TMEM132C: variants seen among roughly 807,000 people sequenced by gnomAD.
TMEM132C encodes the protein protein phosphatase 1, regulatory subunit 152.
TMEM132C carries 29 observed loss-of-function variants against 61.4 expected under a neutral mutation model. That is an observed-to-expected ratio of 0.47 (90% CI 0.35 to 0.64). TMEM132C has a LOEUF of 0.64. Ranked by LOEUF, TMEM132C falls within the 30% of genes least tolerant of loss-of-function variation. The pLI, the probability that TMEM132C is intolerant of heterozygous loss-of-function variation, is 0.00. For synonymous variants in TMEM132C, 656 were observed against 633.1 expected (o/e 1.04, Z -0.54); for missense variants, 1,408 against 1,476.9 (o/e 0.95, Z 0.76).
chr12:128,388,795 T>G (rs774176964), intron 1 of TMEM132C, among the ~76,000 whole-genome samples: 3 of 152,258 alleles, frequency 2.0e-5, no homozygotes, highest in Non-Finnish European at 4.4e-5. Flanking sequence ...TGATTTTGTG[T>G]TGTTTATTTC....
chr12:128,605,220 A>G (rs1418766901), intron 3 of TMEM132C, among the ~76,000 whole-genome samples: 1 of 152,152 alleles, frequency 6.6e-6, no homozygotes, highest in Non-Finnish European at 1.5e-5. Context: ...TGCAGTTGTC[A>G]AGCCGAAGAC....
At chr12:128,536,391 T>A (rs1238149576) in intron 2 of TMEM132C, among the ~76,000 whole-genome samples, 1 of 149,332 alleles carries the variant, frequency 6.7e-6, no homozygotes, top group East Asian at 2.0e-4. Flanking sequence ...GGGCCTGTCA[T>A]GGGGTGGGGG....
intron 1 of TMEM132C, among the ~76,000 whole-genome samples, chr12:128,390,266 A>G (rs1874720638): frequency 6.6e-6 from 1 of 152,236 alleles, no homozygotes; most frequent in African/African-American, 2.4e-5. Flanking sequence ...GGAGGCCAGA[A>G]GCCCACCATG....
At chr12:128,690,209 G>A (rs1003907840) in intron 5 of TMEM132C, among the ~76,000 whole-genome samples, 2 of 152,226 alleles carry the variant, frequency 1.3e-5, no homozygotes, top group African/African-American at 4.8e-5. Context: ...AGATATCAGA[G>A]TGAGTGGAGT....
At chr12:128,387,142 A>G (rs1425672926) in intron 1 of TMEM132C, among the ~76,000 whole-genome samples, 2 of 136,936 alleles carry the variant, frequency 1.5e-5, no homozygotes, top group Admixed American at 7.0e-5. Flanking sequence ...CTCTGCCTCA[A>G]AAAAAAAAAA....
intron 4 of TMEM132C, among the ~76,000 whole-genome samples, chr12:128,646,901 T>TGTGA (rs1323150023): frequency 6.6e-6 from 1 of 150,620 alleles, no homozygotes; most frequent in Non-Finnish European, 1.5e-5. Context: ...CAGTGTTGGA[T>TGTGA]GTGTGTTTAC....
At chr12:128,304,423 C>T (rs143713687) in intron 1 of TMEM132C, among the ~76,000 whole-genome samples, 2,993 of 151,980 alleles carry the variant, frequency 0.02, 92 homozygotes, top group African/African-American at 0.068. Context: ...GCCTGGCCAA[C>T]GTGGTGAAAC....
intron 1 of TMEM132C, among the ~76,000 whole-genome samples, chr12:128,294,992 T>C (rs942199950): frequency 8.8e-6 from 1 of 113,234 alleles, no homozygotes; most frequent in African/African-American, 3.6e-5. Context: ...AAATAATAGA[T>C]AGATAGATAG....
chr12:128,494,441 C>T (rs1871865385), intron 2 of TMEM132C, among the ~76,000 whole-genome samples: 1 of 152,138 alleles, frequency 6.6e-6, no homozygotes, highest in Admixed American at 6.5e-5. Flanking sequence ...CCTCCTTGTA[C>T]CTCTGGTAGA....
intron 5 of TMEM132C, among the ~76,000 whole-genome samples, chr12:128,688,679 A>G (rs1954696431): frequency 2.0e-5 from 3 of 152,242 alleles, no homozygotes; most frequent in Non-Finnish European, 4.4e-5. Context: ...GGATCCAGCA[A>G]GGCTGAAAGT....
chr12:128,514,516 T>G (rs1274024622), intron 2 of TMEM132C, among the ~76,000 whole-genome samples: 3 of 149,724 alleles, frequency 2.0e-5, no homozygotes. Context: ...TGGGAGGTGG[T>G]GGTGGCAGGC....
In TMEM132C at chr12:128,436,909, A is replaced by G. The variant is rs7956574; in HGVS notation, c.974+21289A>G. On this transcript the variant is annotated intron_variant, in intron 2 of 8. Transcript: ENST00000435159. Reference sequence around the variant, plus strand: ...TTGGAACCAAACCAAACGTCCGTCAATGATAGACTGGATTAAGAAAATGTG... The same window carrying G: ...TTGGAACCAAACCAAACGTCCGTCAGTGATAGACTGGATTAAGAAAATGTG... Among the ~76,000 whole-genome samples, 994 of 152,328 alleles carry G rather than the reference A, an allele frequency of 6.5e-3. 13 individuals are homozygous for G. Among genetic ancestry groups the G allele is most frequent in the African/African-American group, 0.022 (931 of 41,562 alleles).
chr12:128,303,408 C>T (rs1453000065), intron 1 of TMEM132C, among the ~76,000 whole-genome samples: 1 of 152,162 alleles, frequency 6.6e-6, no homozygotes, highest in Non-Finnish European at 1.5e-5. Flanking sequence ...TCCATCGTGA[C>T]TGAGCCTGAT....
intron 8 of TMEM132C, among the ~76,000 whole-genome samples, chr12:128,699,300 G>A (rs1370815864): frequency 1.3e-5 from 2 of 152,164 alleles, no homozygotes; most frequent in Non-Finnish European, 1.5e-5. Context: ...CGGTGGGTGG[G>A]CTCAGCTGGG....
intron 3 of TMEM132C, among the ~76,000 whole-genome samples, chr12:128,571,121 C>T (rs1874864326): frequency 1.3e-5 from 2 of 152,136 alleles, no homozygotes; most frequent in Non-Finnish European, 2.9e-5. Context: ...GAAACTATAC[C>T]AGACAAGGCC....
chr12:128,620,863 A>G (rs185353146), intron 4 of TMEM132C, among the ~76,000 whole-genome samples: 1 of 152,168 alleles, frequency 6.6e-6, no homozygotes, highest in African/African-American at 2.4e-5. Flanking sequence ...CATAAAATCA[A>G]ATTAAAAATA....
chr12:128,409,431 C>T lies in TMEM132C; in HGVS notation c.86-5301C>T, dbSNP rs540544531. On this transcript the variant is annotated intron_variant, in intron 1 of 8. Transcript: ENST00000435159. ...AAGCAGGCCGGTCCATGGCGCACAG[C>T]GGGCTCAGTGTAGGATGACAGCAAC... Among the ~76,000 whole-genome samples, 7 of 152,216 alleles carry T rather than the reference C, an allele frequency of 4.6e-5. No homozygotes were observed. In the East Asian group the frequency reaches 5.8e-4, roughly 13 times the overall value.
chr12:128,539,002 TG>T (rs1353161792), intron 2 of TMEM132C, among the ~76,000 whole-genome samples: 1 of 152,266 alleles, frequency 6.6e-6, no homozygotes. Flanking sequence ...CTTGATTTTC[TG>T]TATATTTAGC....
chr12:128,623,896 G>A (rs866247418), intron 4 of TMEM132C, among the ~76,000 whole-genome samples: 2 of 152,076 alleles, frequency 1.3e-5, no homozygotes, highest in African/African-American at 2.4e-5. Flanking sequence ...AGAAGAAGAC[G>A]AAAGTGAAAA....
Sources: gnomAD v4.1 joint callset for allele counts (sites outside exome capture counted in the v4.1 genomes callset) on GRCh38, gnomAD v4.1.1 for gene constraint, MANE v1.5 for transcripts, NCBI Gene and HGNC (gene_info 2026-07-23, HGNC 2026-07-21) for gene names.